The following CTNND2 variants were observed in gnomAD, a reference collection of about 807,000 sequenced individuals.
CTNND2 encodes catenin delta-2.
CTNND2 carries 22 observed loss-of-function variants against 144.4 expected under a neutral mutation model. The ratio of observed to expected loss-of-function variants is 0.15; its 90% CI spans 0.11 to 0.22. The LOEUF (loss-of-function observed/expected upper bound fraction) is 0.22. CTNND2 is among the 10% of genes least tolerant of loss of function. The pLI is 1.00. For synonymous variants in CTNND2, 751 were observed against 695.6 expected, an observed-to-expected ratio of 1.08 and a Z score of -1.25; for missense variants, 1,353 against 1,618.8, an observed-to-expected ratio of 0.84 and a Z score of 2.82.
intron 11 of CTNND2, among the ~76,000 whole-genome samples, chr5:11,165,571 T>A (rs998231121): frequency 6.6e-6 from 1 of 152,242 alleles, no homozygotes; most frequent in Admixed American, 6.5e-5. Context: ...TTAGCATCTT[T>A]CTTTTATTAT....
chr5:11,580,723 C>T (rs182957128), intron 2 of CTNND2, among the ~76,000 whole-genome samples: 29 of 152,262 alleles, frequency 1.9e-4, no homozygotes. Flanking sequence ...AAGGATAGCT[C>T]TGGTAATCAA....
intron 3 of CTNND2, among the ~76,000 whole-genome samples, chr5:11,427,958 G>A (rs1012306195): frequency 6.6e-6 from 1 of 152,136 alleles, no homozygotes; most frequent in Non-Finnish European, 1.5e-5. Context: ...ATCATGGGGG[G>A]AGGCGAAAGG....
At position 11,459,414 on chromosome 5, in the gene CTNND2, C is replaced by T. The variant is rs115787950; in HGVS notation, c.288-47345G>A. Among the ~76,000 whole-genome samples, 1,023 of 152,138 alleles carry T rather than the reference C, an allele frequency of 6.7e-3. 16 individuals carry two copies. The highest frequency in any genetic ancestry group is 0.024 in the African/African-American group (979 of 41,490). The stretch of plus-strand genomic sequence containing the variant: ...AAACCCCACCATAGGAGACTCTACT[C>T]GGAAGAATTCAGTGGAAAGGTATTG... On this transcript the variant is annotated intron_variant, in intron 3 of 21. Coordinates refer to ENST00000304623, the MANE Select transcript of CTNND2 (RefSeq NM_001332.4).
intron 11 of CTNND2, among the ~76,000 whole-genome samples, chr5:11,175,814 T>C (rs1237945094): frequency 6.6e-6 from 1 of 152,126 alleles, no homozygotes; most frequent in Non-Finnish European, 1.5e-5. Context: ...ATTGCCAAAA[T>C]GCTCTCCAGA....
At chr5:11,505,718 A>G (rs1770965996) in intron 3 of CTNND2, among the ~76,000 whole-genome samples, 1 of 152,166 alleles carries the variant, frequency 6.6e-6, no homozygotes, top group African/African-American at 2.4e-5. Flanking sequence ...TAGTTTACTT[A>G]TATCTCCATG....
chr5:11,190,651 C>T (rs1481066506), intron 11 of CTNND2, among the ~76,000 whole-genome samples: 1 of 152,186 alleles, frequency 6.6e-6, no homozygotes, highest in Non-Finnish European at 1.5e-5. Context: ...GCCTGAGCTA[C>T]CTGCTTGCAT....
chr5:11,889,015 G>T (rs1393554247), intron 1 of CTNND2, among the ~76,000 whole-genome samples: 2 of 152,110 alleles, frequency 1.3e-5, no homozygotes, highest in African/African-American at 4.8e-5. Flanking sequence ...TTCTCAAAGT[G>T]CTGTGATTAT....
rs71595821 is a variant in CTNND2 at position 11,470,954 on chromosome 5, GTATA to G, written c.288-58889_288-58886del. Among the ~76,000 whole-genome samples the G allele has an allele frequency of 1.1e-3, 68 of 63,248 alleles. 2 individuals carry two copies. In the South Asian group the frequency reaches 0.02, roughly 18 times the overall value. The allele number at this position is 63,248 out of a possible 152,430, so 41.5% of individuals were successfully genotyped here. On this transcript the variant is annotated intron_variant, in intron 3 of 21. Coordinates refer to ENST00000304623, the MANE Select transcript of CTNND2 (RefSeq NM_001332.4). ...TACTTTAGCTATTATTTGATACAAA[GTATA>G]TATATATATATATATATATATATTT... is the stretch of plus-strand genomic sequence containing the variant.
intron 1 of CTNND2, among the ~76,000 whole-genome samples, chr5:11,901,034 T>C (rs1308958963): frequency 6.6e-6 from 1 of 152,146 alleles, no homozygotes; most frequent in Non-Finnish European, 1.5e-5. Context: ...GAAGAAAACA[T>C]TGGAAGTTCA....
At chr5:11,366,276 C>G (rs968670192) in intron 7 of CTNND2, among the ~76,000 whole-genome samples, 1 of 152,142 alleles carries the variant, frequency 6.6e-6, no homozygotes, top group African/African-American at 2.4e-5. Flanking sequence ...AAATGTTTTA[C>G]TGGTATATTT....
At chr5:11,465,467 CA>C (rs1766582261) in intron 3 of CTNND2, among the ~76,000 whole-genome samples, 2 of 152,186 alleles carry the variant, frequency 1.3e-5, no homozygotes, top group African/African-American at 4.8e-5. Context: ...TAGGCATTCT[CA>C]CATGATCGAT....
rs1752335287 is a variant in CTNND2, at chr5:11,105,511, G to A, written c.2463+5347C>T. On this transcript the variant is annotated intron_variant, in intron 14 of 21. Coordinates refer to ENST00000304623, the MANE Select transcript of CTNND2 (RefSeq NM_001332.4). ...CAGAGAGGTATGCTGCCCCACATGT[G>A]ACCAGTGCCGAAGCCGAGAGGCCCT... 2.0e-5 allele frequency among the ~76,000 whole-genome samples: 3 copies of A among 151,008 alleles called. No homozygotes were observed. The South Asian group carries it at 6.3e-4, about 32-fold the overall frequency.
intron 3 of CTNND2, among the ~76,000 whole-genome samples, chr5:11,524,565 G>A (rs1773044384): frequency 6.6e-6 from 1 of 152,078 alleles, no homozygotes; most frequent in Admixed American, 6.6e-5. Context: ...CCCCAACAAA[G>A]CCCTGCTCAA....
At chr5:11,579,495 T>C (rs1230618429) in intron 2 of CTNND2, among the ~76,000 whole-genome samples, 2 of 152,134 alleles carry the variant, frequency 1.3e-5, no homozygotes, top group Middle Eastern at 3.2e-3. Context: ...CAAGCTAATA[T>C]CATTATGTGA....
In CTNND2 at chr5:11,382,595, C is replaced by CTGTGTGTGTGTG. The variant is rs71582432; in HGVS notation, c.1177+2058_1177+2069dup. ...CCTGGGCAACCGACAGAGTGAGACT[C>CTGTGTGTGTGTG]TGTGTGTGTGTGTGTGTGTGTGTGT... is the stretch of plus-strand genomic sequence containing the variant. On this transcript the variant is annotated intron_variant, in intron 7 of 21. Transcript: ENST00000304623. Among the ~76,000 whole-genome samples, 288 of 130,200 alleles carry CTGTGTGTGTGTG rather than the reference C, an allele frequency of 2.2e-3. 5 individuals are homozygous for CTGTGTGTGTGTG. Among genetic ancestry groups the CTGTGTGTGTGTG allele is most frequent in the African/African-American group, 6.2e-3 (206 of 33,090 alleles). The allele number at this position is 130,200 out of a possible 152,430, so 85.4% of individuals were successfully genotyped here.
chr5:11,370,004 T>G (rs1757319670), intron 7 of CTNND2, among the ~76,000 whole-genome samples: 1 of 152,170 alleles, frequency 6.6e-6, no homozygotes, highest in Non-Finnish European at 1.5e-5. Context: ...GTATATGAAA[T>G]CTTTACGAGT....
intron 1 of CTNND2, among the ~76,000 whole-genome samples, chr5:11,832,442 A>G (rs1394674195): frequency 6.6e-6 from 1 of 152,204 alleles, no homozygotes; most frequent in Non-Finnish European, 1.5e-5. Flanking sequence ...AAAATAAACA[A>G]ATAAAAACCC....
At chr5:11,872,656 G>A (rs553623023) in intron 1 of CTNND2, among the ~76,000 whole-genome samples, 43 of 144,574 alleles carry the variant, frequency 3.0e-4, no homozygotes, top group African/African-American at 1.0e-3. Flanking sequence ...TTTTTTTCAT[G>A]TTTGTTGGCT....
At chr5:11,166,470 C>T (rs59700924) in intron 11 of CTNND2, among the ~76,000 whole-genome samples, 9,458 of 151,744 alleles carry the variant, frequency 0.062, 557 homozygotes, top group East Asian at 0.33. Context: ...AGGATGGTCT[C>T]GATCTCCTGA....
Sources: allele counts gnomAD v4.1 joint callset (sites outside exome capture counted in the v4.1 genomes callset), GRCh38; gene constraint gnomAD v4.1.1; transcripts MANE v1.5; gene names NCBI Gene and HGNC (gene_info 2026-07-23, HGNC 2026-07-21).